ZNF335: variants seen among roughly 807,000 people sequenced by gnomAD.
The protein encoded by ZNF335 is zinc finger protein 335.
Under a neutral mutation model 145.6 loss-of-function variants are expected in ZNF335, and 84 were observed. The observed-to-expected ratio is 0.58, with a 90% CI of 0.48 to 0.69. The LOEUF (loss-of-function observed/expected upper bound fraction) is 0.69, where lower values mean the gene tolerates loss of function less well. ZNF335 is among the 30% of genes least tolerant of loss of function. The pLI, the probability that ZNF335 is intolerant of heterozygous loss-of-function variation, is 0.00. For synonymous variants in ZNF335, 761 were observed against 717.0 expected (o/e 1.06, Z -0.98); for missense variants, 1,865 against 1,809.7 (o/e 1.03, Z -0.55).
intron 17 of ZNF335, among the ~76,000 whole-genome samples, chr20:45,954,198 G>C (rs555503953): frequency 6.6e-6 from 1 of 152,318 alleles, no homozygotes; most frequent in East Asian, 1.9e-4. Flanking sequence ...ATTTGGCAAC[G>C]TCTGGAGACA....
At chr20:45,950,192 C>T (rs1172467735) in intron 22 of ZNF335, 27 bp downstream of exon 22, 9 of 1,557,152 alleles carry the variant, frequency 5.8e-6, no homozygotes, top group Non-Finnish European at 7.8e-6. Context: ...CCCTGTTGCC[C>T]ACCCTGTGGC....
At chr20:45,969,735 T>G in intron 2 of ZNF335, 44 bp from the exon 3 acceptor site, 1 of 1,598,974 alleles carries the variant, frequency 6.3e-7, no homozygotes, top group Non-Finnish European at 8.5e-7. Flanking sequence ...AGCAGCTGGG[T>G]ATGGGGCAGG....
In ZNF335 at chr20:45,952,399, C is replaced by A; in HGVS notation, c.2937G>T (p.Lys979Asn). Residue 979 changes from lysine (K) to asparagine (N), a missense_variant, in exon 20 of 28, where the codon AAG becomes AAT. By Grantham distance (94) the Lys-to-Asn change is moderately conservative. Coordinates refer to ENST00000322927, the MANE Select transcript of ZNF335 (RefSeq NM_022095.4). ...TCTGGGAGTCCCCTACGCAGTGGGT[C>A]TTGGCTGGAGATGGGGGCTCAGGGC... ...RDGPEPPSPA[K>N]THCVGDSQSS... 6.3e-7 allele frequency: 1 copy of A among 1,591,474 alleles called. No individual in the cohort carries two copies. The highest frequency in any genetic ancestry group is 1.1e-5 in the South Asian group (1 of 88,444).
chr20:45,960,775 G>A (rs752181913), intron 11 of ZNF335, 43 bp from the exon 12 acceptor site: 4 of 1,612,482 alleles, frequency 2.5e-6, no homozygotes, highest in East Asian at 4.5e-5. Context: ...AAGAAGTGGA[G>A]GAGGGAGGAT....
chr20:45,963,121 A>C (rs573349476), intron 9 of ZNF335, among the ~76,000 whole-genome samples: 1 of 152,126 alleles, frequency 6.6e-6, no homozygotes, highest in East Asian at 1.9e-4. Context: ...CCTAAAAGGA[A>C]CCCTTTTCTT....
intron 17 of ZNF335, among the ~76,000 whole-genome samples, chr20:45,957,382 G>C (rs2083747974): frequency 1.3e-5 from 2 of 152,224 alleles, no homozygotes; most frequent in Admixed American, 1.3e-4. Context: ...CTGGAGAATG[G>C]ACGGGATACC....
In ZNF335 at chr20:45,949,565, G is replaced by A; in HGVS notation, c.3673C>T (p.Gln1225Ter). The change falls in exon 25 of 28, where the codon CAG becomes TAG. Residue 1225 changes from glutamine (Q) to a stop codon, truncating the protein, a stop_gained. Transcript: ENST00000322927. LOFTEE classifies it high-confidence loss of function. ...ACACCATCCTGGGAGATGATATACT[G>A]CACCTGTTGGTGGGGGGGGCGGGCA... ...QHLVTSDNQVQYIISQDGVQH... is the reference protein window; with the variant it reads ...QHLVTSDNQV The A allele has an allele frequency of 3.7e-6, 6 of 1,609,870 alleles. No homozygotes were observed. The highest frequency in any genetic ancestry group is 5.1e-6 in the Non-Finnish European group (6 of 1,178,470).
intron 9 of ZNF335, 132 bp downstream of exon 9, chr20:45,963,341 C>A: frequency 9.5e-7 from 1 of 1,055,936 alleles, no homozygotes; most frequent in Non-Finnish European, 1.3e-6. Context: ...GAGCCAGACA[C>A]GCGTTCTGAA....
At chr20:45,963,325 G>T (rs1600540191) in intron 9 of ZNF335, 148 bp downstream of exon 9, 5 of 943,294 alleles carry the variant, frequency 5.3e-6, no homozygotes, top group Non-Finnish European at 7.7e-6. Context: ...TCTTCGGTAC[G>T]CCAGTGAGCC....
Position 45,960,242 on chromosome 20 carries a change from G to A in ZNF335, c.1986C>T (p.Asp662=). The part of the protein sequence containing the change: ...SFCPYRTFRE[D]FLLSHVAVKH... ...TGACAGCCACATGGGACAGCAAGAA[G>A]TCCTCTCGGAAGGTGCGGTAGGGAC... Residue 662 remains aspartate, a synonymous_variant, in exon 14 of 28, where the codon GAC becomes GAT. Transcript: ENST00000322927. The A allele has an allele frequency of 3.1e-6, 5 of 1,614,214 alleles. No homozygotes were observed. Among genetic ancestry groups the A allele is most frequent in the Non-Finnish European group, 4.2e-6 (5 of 1,180,032 alleles).
intron 22 of ZNF335, 51 bp from the exon 23 acceptor site, chr20:45,950,120 G>GC: frequency 6.2e-7 from 1 of 1,608,614 alleles, no homozygotes; most frequent in Non-Finnish European, 8.5e-7. Flanking sequence ...AACCTGCAAT[G>GC]CCCCAGCTGC....
Position 45,949,007 on chromosome 20 carries a change from T to A in ZNF335, c.3975A>T (p.Gln1325His). The A allele has an allele frequency of 1.9e-6, 3 of 1,613,946 alleles. No homozygotes were observed. The highest frequency in any genetic ancestry group is 2.5e-6 in the Non-Finnish European group (3 of 1,180,032). Residue 1325 changes from glutamine to histidine, a missense_variant, in exon 28 of 28, where the codon CAA (glutamine) becomes CAT (histidine). Physicochemically the swap from Gln to His is conservative, Grantham distance 24. Coordinates refer to ENST00000322927, the MANE Select transcript of ZNF335 (RefSeq NM_022095.4). ...ACTCGATGCCCTGGTGCTGCAGCTG[T>A]TGAATGTGTTCGGGCACTGTCTCGT... is the stretch of plus-strand genomic sequence containing the variant. ...GTDETVPEHI[Q>H]QLQHQGIEYD... is the part of the protein sequence containing the mutation.
intron 2 of ZNF335, 121 bp from the exon 3 acceptor site, chr20:45,969,812 T>A: frequency 1.4e-6 from 2 of 1,382,372 alleles, no homozygotes; most frequent in Non-Finnish European, 2.0e-6. Context: ...GTGGAGCCAC[T>A]CATGCCCTCA....
intron 17 of ZNF335, among the ~76,000 whole-genome samples, chr20:45,957,006 C>T (rs991779548): frequency 6.6e-6 from 1 of 152,156 alleles, no homozygotes; most frequent in African/African-American, 2.4e-5. Flanking sequence ...AACACACTCT[C>T]CATCTTCTCA....
Position 45,972,177 on chromosome 20 carries a change from C to G in ZNF335, c.-106G>C, listed in dbSNP as rs1372491544. On this transcript the variant is annotated 5_prime_UTR_variant, in exon 1 of 28. Transcript: ENST00000322927. ...ACTCCGGCATCGACGAGGTCGCCAT[C>G]CTCTTTCCTCCGCTGCGGAGGAACC... 2 of 1,289,592 alleles carry G rather than the reference C, an allele frequency of 1.6e-6. No individual in the cohort carries two copies. The highest frequency in any genetic ancestry group is 1.1e-4 in the East Asian group (2 of 18,006). 79.9% of individuals were successfully genotyped at this position (1,289,592 alleles called of 1,614,324 possible). A position where few individuals can be genotyped will look rare whatever the true frequency, so the allele number is the denominator to read the frequency against.
At chr20:45,953,378 A>T (rs942097070) in intron 18 of ZNF335, among the ~76,000 whole-genome samples, 3 of 151,898 alleles carry the variant, frequency 2.0e-5, no homozygotes, top group Admixed American at 6.6e-5. Context: ...TTCAAATCTC[A>T]CCTACTGCAT....
chr20:45,971,210 C>T lies in ZNF335; in HGVS notation c.201G>A (p.Gln67=). The change falls in exon 2 of 28, where the codon CAG becomes CAA. Residue 67 remains glutamine (Q), a splice_region_variant and synonymous_variant. Coordinates refer to ENST00000322927, the MANE Select transcript of ZNF335 (RefSeq NM_022095.4). ...GQSSDRGSRS[Q]EEVSESSSSA... is the part of the protein sequence containing the mutation. ...CCACGCCGTCCAGCCGGGTCCATAC[C>T]TGAGAACGGCTGCCGCGGTCCGAGC... The T allele has an allele frequency of 6.5e-7, 1 of 1,537,344 alleles. No individual in the cohort carries two copies. The highest frequency in any genetic ancestry group is 8.7e-7 in the Non-Finnish European group (1 of 1,144,050).
intron 18 of ZNF335, 110 bp from the exon 19 acceptor site, chr20:45,952,819 C>T: frequency 1.1e-6 from 1 of 901,364 alleles, no homozygotes; most frequent in Non-Finnish European, 1.7e-6. Flanking sequence ...GGACTCAAGT[C>T]AGAAGGGCCC....
chr20:45,963,838 C>A lies in ZNF335; in HGVS notation c.1255G>T (p.Asp419Tyr). 1 of 1,613,582 alleles carries A rather than the reference C, an allele frequency of 6.2e-7. No homozygotes were observed. Among genetic ancestry groups the A allele is most frequent in the Non-Finnish European group, 8.5e-7 (1 of 1,179,716 alleles). Residue 419 changes from aspartate to tyrosine, a missense_variant, in exon 8 of 28, where the codon GAT (aspartate) becomes TAT (tyrosine). By Grantham distance (160) the Asp-to-Tyr change is radical. Transcript: ENST00000322927. ...TPVEAGVSQS[D>Y]AENAAPSCPD... is the part of the protein sequence containing the mutation. Reference sequence around the variant, plus strand: ...CAGGAGGGGGCTGCGTTCTCTGCATCTGACTGGCTCACACCAGCTTCCACA... The same window carrying A: ...CAGGAGGGGGCTGCGTTCTCTGCATATGACTGGCTCACACCAGCTTCCACA...
Sources: allele counts gnomAD v4.1 joint callset (sites outside exome capture counted in the v4.1 genomes callset), GRCh38; gene constraint gnomAD v4.1.1; transcripts MANE v1.5; gene names NCBI Gene and HGNC (gene_info 2026-07-23, HGNC 2026-07-21).